Variants in C3orf49 observed in about 807,000 individuals in gnomAD.
C3orf49 encodes putative uncharacterized protein C3orf49.
In C3orf49, 27 loss-of-function variants were observed where a neutral mutation model predicts 13.3. That is an observed-to-expected ratio of 2.02 (90% CI 1.49 to 2.79). The LOEUF is 2.79. C3orf49 is among the 30% of genes most tolerant of loss of function. The pLI is 0.00. For synonymous variants in C3orf49, 87 were observed against 47.6 expected (o/e 1.83, Z -3.40); for missense variants, 242 against 134.2 (o/e 1.80, Z -3.97).
At chr3:63,847,371 A>T (rs1458139486) in intron 6 of C3orf49, among the ~76,000 whole-genome samples, 1 of 152,172 alleles carries the variant, frequency 6.6e-6, no homozygotes, top group Non-Finnish European at 1.5e-5. Context: ...TTTGGTTCTA[A>T]TGCCTTTTAT....
chr3:63,799,116 A>T, the C3orf49 span, among the ~76,000 whole-genome samples: 1 of 152,158 alleles, frequency 6.6e-6, no homozygotes, highest in African/African-American at 2.4e-5. Context: ...GGAGCTGCTC[A>T]GTGCTGCATT....
At chr3:63,839,668 G>A in intron 5 of C3orf49, 1 of 1,611,768 alleles carries the variant, frequency 6.2e-7, no homozygotes, top group Non-Finnish European at 8.5e-7. Flanking sequence ...CTCTTCCTGG[G>A]ACCCAGAGTT....
At chr3:63,784,567 AT>A in the C3orf49 span, among the ~76,000 whole-genome samples, 1 of 152,072 alleles carries the variant, frequency 6.6e-6, no homozygotes, top group African/African-American at 2.4e-5. Context: ...AGCATATCCC[AT>A]TTTTTTGGCC....
At chr3:63,787,439 ATT>A in the C3orf49 span, among the ~76,000 whole-genome samples, 3 of 152,130 alleles carry the variant, frequency 2.0e-5, no homozygotes, top group Admixed American at 6.6e-5. Context: ...TCCAAATTCA[ATT>A]TCGGTGTCAC....
intron 3 of C3orf49, among the ~76,000 whole-genome samples, chr3:63,830,138 T>G (rs1283891050): frequency 6.6e-6 from 1 of 152,198 alleles, no homozygotes; most frequent in Non-Finnish European, 1.5e-5. Context: ...AGGTGTGGTC[T>G]CTTCAGTCCA....
In C3orf49 at chr3:63,834,155, T is replaced by C. The variant is rs558660716; in HGVS notation, c.849+2311T>C. 6.9e-5 allele frequency: 112 copies of C among 1,614,140 alleles called. 1 individual carries two copies. The highest frequency in any genetic ancestry group is 8.2e-5 in the Non-Finnish European group (97 of 1,180,020). On this transcript the variant is annotated intron_variant, in intron 5 of 6. Transcript: ENST00000295896. ...GTCTATGGCTTAGGATCTGTTTCCA[T>C]GCTTGCTTCCTGAGCTTCTTCTACC...
intron 5 of C3orf49, chr3:63,838,031 A>G: frequency 6.2e-7 from 1 of 1,609,578 alleles, no homozygotes; most frequent in Non-Finnish European, 8.5e-7. Context: ...TGCACTCAGC[A>G]ATTTTTTCAT....
At chr3:63,826,683 T>C (rs1422336720) in intron 2 of C3orf49, 1 of 152,168 alleles carries the variant, frequency 6.6e-6, no homozygotes, top group African/African-American at 2.4e-5. Flanking sequence ...AACAAGATGA[T>C]TTTAGGTGTG....
chr3:63,841,094 G>C (rs906056997), intron 5 of C3orf49, among the ~76,000 whole-genome samples: 1 of 152,180 alleles, frequency 6.6e-6, no homozygotes, highest in East Asian at 1.9e-4. Flanking sequence ...CAAAAGAATA[G>C]TGCAGATATA....
At chr3:63,814,211 T>C in the C3orf49 span, among the ~76,000 whole-genome samples, 4 of 152,144 alleles carry the variant, frequency 2.6e-5, no homozygotes, top group African/African-American at 9.7e-5. Context: ...AGAGTTAACA[T>C]GAAAGCATCT....
At chr3:63,820,751 G>A (rs1344061313) in intron 1 of C3orf49, among the ~76,000 whole-genome samples, 1 of 152,136 alleles carries the variant, frequency 6.6e-6, no homozygotes, top group Non-Finnish European at 1.5e-5. Context: ...GGGTGAATTA[G>A]GAAATGGTGC....
At chr3:63,834,137 G>A in intron 5 of C3orf49, 1 of 1,613,948 alleles carries the variant, frequency 6.2e-7, no homozygotes, top group African/African-American at 1.3e-5. Context: ...CCTGTCTATG[G>A]CTTAGGATCT....
At chr3:63,848,302 T>G (rs925261435) in intron 6 of C3orf49, 62 bp from the exon 7 acceptor site, 2 of 152,204 alleles carry the variant, frequency 1.3e-5, no homozygotes, top group Non-Finnish European at 2.9e-5. Flanking sequence ...TTCATCTGTG[T>G]CAGAACCTTG....
chr3:63,818,536 A>G (rs1009603529), upstream of C3orf49, among the ~76,000 whole-genome samples: 3 of 152,214 alleles, frequency 2.0e-5, no homozygotes, highest in African/African-American at 7.2e-5. Flanking sequence ...AAAGACCTCC[A>G]GGAAGTTTGT....
intron 5 of C3orf49, among the ~76,000 whole-genome samples, chr3:63,844,500 A>C (rs1019687702): frequency 1.3e-5 from 2 of 152,228 alleles, no homozygotes; most frequent in African/African-American, 4.8e-5. Flanking sequence ...TTTTAAAATA[A>C]ATACATAAAA....
At chr3:63,796,605 A>C in the C3orf49 span, among the ~76,000 whole-genome samples, 8 of 152,152 alleles carry the variant, frequency 5.3e-5, no homozygotes, top group African/African-American at 1.9e-4. Flanking sequence ...ATTTTGACTA[A>C]TCTAAGTGTA....
At chr3:63,828,472 G>C (rs1701493610) in intron 3 of C3orf49, among the ~76,000 whole-genome samples, 1 of 152,058 alleles carries the variant, frequency 6.6e-6, no homozygotes, top group Non-Finnish European at 1.5e-5. Flanking sequence ...GTTAATTTTT[G>C]TATTTTTAGT....
At chr3:63,829,128 T>A (rs1047068186) in intron 3 of C3orf49, among the ~76,000 whole-genome samples, 1 of 152,112 alleles carries the variant, frequency 6.6e-6, no homozygotes, top group East Asian at 1.9e-4. Context: ...ACTGTCAGAG[T>A]GCACTGATAC....
rs74657241 is a variant in C3orf49, at chr3:63,845,559, A to G, written c.*30+477A>G. The stretch of plus-strand genomic sequence containing the variant: ...GTCACAGTAAGTGGTTATTACCATG[A>G]GGTGGAGGGGGACATGAACTCTGGC... On this transcript the variant is annotated intron_variant, in intron 6 of 6. Coordinates refer to ENST00000295896, the MANE Select transcript of C3orf49 (RefSeq NM_001355236.2). Among the ~76,000 whole-genome samples, 1,129 of 152,314 alleles carry G rather than the reference A, an allele frequency of 7.4e-3. 18 individuals carry two copies. Among genetic ancestry groups the G allele is most frequent in the African/African-American group, 0.026 (1,073 of 41,572 alleles).
Sources: gnomAD v4.1 joint callset for allele counts (sites outside exome capture counted in the v4.1 genomes callset) on GRCh38, gnomAD v4.1.1 for gene constraint, MANE v1.5 for transcripts, NCBI Gene and HGNC (gene_info 2026-07-23, HGNC 2026-07-21) for gene names.